HOXD4: variants seen among roughly 807,000 people sequenced by gnomAD.
HOXD4 encodes the protein homeobox protein Hox-D4.
A neutral mutation model predicts 22.6 loss-of-function variants in HOXD4; 15 were observed. That is an observed-to-expected ratio of 0.67 (90% CI 0.45 to 1.02). The LOEUF (loss-of-function observed/expected upper bound fraction) is 1.02, where lower values mean the gene tolerates loss of function less well. Among genes scored for constraint, HOXD4 ranks in the 50% least tolerant of loss-of-function variants. HOXD4 has a pLI of 0.00. For missense variants in HOXD4, 350 were observed against 346.6 expected (o/e 1.01, Z -0.08); for synonymous variants, 176 against 157.0 (o/e 1.12, Z -0.90).
chr2:176,152,192 A>T lies in HOXD4; in HGVS notation c.433+126A>T. 1.5e-6 allele frequency: 1 copy of T among 679,252 alleles called. No individual in the cohort carries two copies. Among genetic ancestry groups the T allele is most frequent in the Non-Finnish European group, 2.5e-6 (1 of 399,242 alleles). The allele number at this position is 679,252 out of a possible 1,614,324, so 42.1% of individuals were successfully genotyped here. A position where few individuals can be genotyped will look rare whatever the true frequency, so the allele number is the denominator to read the frequency against. On this transcript the variant is annotated intron_variant, in intron 1 of 1. Transcript: ENST00000306324. This position sits in a 1 kb window ranked among gnomAD's most constrained non-coding sequence, Gnocchi z 5.2. ...TGGGCGCCGCAATTACTCTCCCCAT[A>T]AATTTTTATAGCTGAGGGAGCAGGT...
At position 176,151,600 on chromosome 2, in the gene HOXD4, G is replaced by T. The variant is rs749281568; in HGVS notation, c.-34G>T. 1.1e-5 allele frequency: 18 copies of T among 1,573,230 alleles called. No individual in the cohort carries two copies. Among genetic ancestry groups the T allele is most frequent in the Non-Finnish European group, 1.5e-5 (17 of 1,144,404 alleles). ...ATGGAAGGAGAAAAAAAGACAACACGAGAAAAATTAGTATTTTCTACCTTC... is the reference window on the plus strand; with the variant it reads ...ATGGAAGGAGAAAAAAAGACAACACTAGAAAAATTAGTATTTTCTACCTTC... On this transcript the variant is annotated 5_prime_UTR_variant, in exon 1 of 2. Coordinates refer to ENST00000306324, the MANE Select transcript of HOXD4 (RefSeq NM_014621.3).
chr2:176,152,846 C>T lies in HOXD4; in HGVS notation c.672C>T (p.Ser224=). Residue 224 remains serine (S), a synonymous_variant, in exon 2 of 2, where the codon TCC becomes TCT. Transcript: ENST00000306324. This position sits in a 1 kb window ranked among gnomAD's most constrained non-coding sequence, Gnocchi z 5.2. The stretch of plus-strand genomic sequence containing the variant: ...CCAACACTAAAGGCAGGTCATCGTC[C>T]TCATCTTCCTCCTCATCTTGCTCCT... ...KLPNTKGRSS[S]SSSSSSCSSS... is the part of the protein sequence containing the mutation. 1.2e-6 allele frequency: 2 copies of T among 1,614,030 alleles called. No individual in the cohort carries two copies. Among genetic ancestry groups the T allele is most frequent in the Non-Finnish European group, 1.7e-6 (2 of 1,180,026 alleles).
Position 176,151,941 on chromosome 2 carries a change from C to T in HOXD4, c.308C>T (p.Pro103Leu), listed in dbSNP as rs1387197816. 6.2e-7 allele frequency: 1 copy of T among 1,608,690 alleles called. No homozygotes were observed. The highest frequency in any genetic ancestry group is 2.2e-5 in the East Asian group (1 of 44,738). Residue 103 changes from proline (P) to leucine (L), a missense_variant, in exon 1 of 2, where the codon CCG (proline) becomes CTG (leucine). By Grantham distance (98) the Pro-to-Leu change is moderately conservative. Transcript: ENST00000306324. ...CCTTGCCCAGCTCCCCCGGCGCCTCCGCCGGCGCCCCTGCCTGGCGCCCGG... is the reference window on the plus strand; with the variant it reads ...CCTTGCCCAGCTCCCCCGGCGCCTCTGCCGGCGCCCCTGCCTGGCGCCCGG... ...GEPCPAPPAP[P>L]PAPLPGARAY... is the part of the protein sequence containing the mutation.
chr2:176,151,834 C>G lies in HOXD4; in HGVS notation c.201C>G (p.Pro67=). ...FGEQPFGGSG[P]GPGSALPARG... ...AGCAGCCTTTCGGAGGCAGCGGCCCCGGGCCTGGCTCGGCGCTGCCTGCGC... is the reference window on the plus strand; with the variant it reads ...AGCAGCCTTTCGGAGGCAGCGGCCCGGGGCCTGGCTCGGCGCTGCCTGCGC... The change falls in exon 1 of 2, where the codon CCC becomes CCG. Residue 67 remains proline, a synonymous_variant. Transcript: ENST00000306324. 3 of 1,601,754 alleles carry G rather than the reference C, an allele frequency of 1.9e-6. No homozygotes were observed. Among genetic ancestry groups the G allele is most frequent in the Non-Finnish European group, 2.6e-6 (3 of 1,174,124 alleles).
rs1690577149 is a variant in HOXD4 at position 176,153,065 on chromosome 2, A to G, written c.*123A>G. ...ACTGTGGGGTGGACCTGGGACAAGC[A>G]GGCCGCCCTCGGACTAGGTTAGCAT... On this transcript the variant is annotated 3_prime_UTR_variant, in exon 2 of 2. Transcript: ENST00000306324. The G allele has an allele frequency of 2.7e-6, 2 of 730,106 alleles. No individual in the cohort carries two copies. Among genetic ancestry groups the G allele is most frequent in the East Asian group, 5.1e-5 (1 of 19,772 alleles). The allele number at this position is 730,106 out of a possible 1,614,324, so 45.2% of individuals were successfully genotyped here.
rs767847815 is a variant in HOXD4, at chr2:176,152,661, C to A, written c.487C>A (p.Arg163=). ...EPKRSRTAYT[R]QQVLELEKEF... ...CAAGCGGTCCCGAACGGCCTACACC[C>A]GGCAGCAAGTCCTAGAACTGGAAAA... The change falls in exon 2 of 2, where the codon CGG becomes AGG. Residue 163 remains arginine, a synonymous_variant. Coordinates refer to ENST00000306324, the MANE Select transcript of HOXD4 (RefSeq NM_014621.3). The surrounding 1 kb of genome is among the most constrained non-coding windows in gnomAD (Gnocchi z 5.2). 5.3e-5 allele frequency: 85 copies of A among 1,614,036 alleles called. No individual in the cohort carries two copies. Among genetic ancestry groups the A allele is most frequent in the Non-Finnish European group, 5.0e-5 (59 of 1,180,040 alleles).
chr2:176,151,783 G>A lies in HOXD4; in HGVS notation c.150G>A (p.Gly50=). Residue 50 remains glycine, a synonymous_variant, in exon 1 of 2, where the codon GGG becomes GGA. Transcript: ENST00000306324. ...AGGGCGCAGACTTCCAGCCCCCGGG[G>A]CTCTACCCACGGCCCGACTTCGGTG... is the stretch of plus-strand genomic sequence containing the variant. ...GAQGADFQPP[G]LYPRPDFGEQ... is the part of the protein sequence containing the mutation. 6.2e-7 allele frequency: 1 copy of A among 1,612,352 alleles called. No individual in the cohort carries two copies. Among genetic ancestry groups the A allele is most frequent in the Non-Finnish European group, 8.5e-7 (1 of 1,179,654 alleles).
rs942223566 is a variant in HOXD4 at position 176,152,300 on chromosome 2, C to T, written c.433+234C>T. ...GTGGGGGAGGACTCCATTTTCAGAG[C>T]AGGGGGAAGGCTGTGGAGGAGCGGG... On this transcript the variant is annotated intron_variant, in intron 1 of 1. Transcript: ENST00000306324. The surrounding 1 kb of genome is among the most constrained non-coding windows in gnomAD (Gnocchi z 5.2). Among the ~76,000 whole-genome samples the T allele has an allele frequency of 9.1e-6, 1 of 110,322 alleles. No homozygotes were observed. Among genetic ancestry groups the T allele is most frequent in the African/African-American group, 3.6e-5 (1 of 27,738 alleles). The allele number at this position is 110,322 out of a possible 152,430, so 72.4% of individuals were successfully genotyped here. A position where few individuals can be genotyped will look rare whatever the true frequency, so the allele number is the denominator to read the frequency against.
Position 176,151,764 on chromosome 2 carries a change from C to G in HOXD4, c.131C>G (p.Ala44Gly). The change falls in exon 1 of 2, where the codon GCA becomes GGA. Residue 44 changes from alanine (A) to glycine (G), a missense_variant. Ala to Gly is a moderately conservative substitution (Grantham distance 60, BLOSUM62 0). Transcript: ENST00000306324. The stretch of plus-strand genomic sequence containing the variant: ...TACTACGGCGGCGGCGCGCAGGGCG[C>G]AGACTTCCAGCCCCCGGGGCTCTAC... Reference protein sequence around the residue: ...ADYYGGGAQGADFQPPGLYPR... With the variant: ...ADYYGGGAQGGDFQPPGLYPR... 1 of 1,612,822 alleles carries G rather than the reference C, an allele frequency of 6.2e-7. No individual in the cohort carries two copies. Among genetic ancestry groups the G allele is most frequent in the Non-Finnish European group, 8.5e-7 (1 of 1,179,846 alleles).
In HOXD4 at chr2:176,151,934, G is replaced by C; in HGVS notation, c.301G>C (p.Ala101Pro). The change falls in exon 1 of 2, where the codon GCG becomes CCG. Residue 101 changes from alanine (A) to proline (P), a missense_variant. By Grantham distance (27) the Ala-to-Pro change is conservative. Transcript: ENST00000306324. ...APGEPCPAPP[A>P]PPPAPLPGAR... ...AGGAGAGCCTTGCCCAGCTCCCCCG[G>C]CGCCTCCGCCGGCGCCCCTGCCTGG... The C allele has an allele frequency of 6.2e-7, 1 of 1,606,726 alleles. No individual in the cohort carries two copies. The highest frequency in any genetic ancestry group is 1.3e-5 in the African/African-American group (1 of 74,854).
Position 176,152,019 on chromosome 2 carries a change from A to G in HOXD4, c.386A>G (p.Gln129Arg). 1 of 1,613,540 alleles carries G rather than the reference A, an allele frequency of 6.2e-7. No homozygotes were observed. Among genetic ancestry groups the G allele is most frequent in the South Asian group, 1.1e-5 (1 of 91,080 alleles). ...KQPPSGTALK[Q>R]PAVVYPWMKK... ...CCGCCCTCCGGGACGGCACTCAAGC[A>G]GCCGGCCGTGGTCTACCCCTGGATG... The change falls in exon 1 of 2, where the codon CAG (glutamine) becomes CGG (arginine). Residue 129 changes from glutamine (Q) to arginine (R), a missense_variant. Coordinates refer to ENST00000306324, the MANE Select transcript of HOXD4 (RefSeq NM_014621.3). The surrounding 1 kb of genome is among the most constrained non-coding windows in gnomAD (Gnocchi z 5.2).
rs1302755224 is a variant in HOXD4, at chr2:176,152,992, G to A, written c.*50G>A. ...TCCCTGCGCACCAGGCTGAGCCGAA[G>A]CTGCGGGGGCAGGCCGGGCCTGCTG... On this transcript the variant is annotated 3_prime_UTR_variant, in exon 2 of 2. Coordinates refer to ENST00000306324, the MANE Select transcript of HOXD4 (RefSeq NM_014621.3). The surrounding 1 kb of genome is among the most constrained non-coding windows in gnomAD (Gnocchi z 5.2). The A allele has an allele frequency of 6.3e-7, 1 of 1,577,520 alleles. No homozygotes were observed. The highest frequency in any genetic ancestry group is 8.7e-7 in the Non-Finnish European group (1 of 1,147,004).
chr2:176,152,659 C>A lies in HOXD4; in HGVS notation c.485C>A (p.Thr162Asn). Reference sequence around the variant, plus strand: ...CCCAAGCGGTCCCGAACGGCCTACACCCGGCAGCAAGTCCTAGAACTGGAA... The same window carrying A: ...CCCAAGCGGTCCCGAACGGCCTACAACCGGCAGCAAGTCCTAGAACTGGAA... ...GEPKRSRTAY[T>N]RQQVLELEKE... Residue 162 changes from threonine (T) to asparagine (N), a missense_variant, in exon 2 of 2, where the codon ACC (threonine) becomes AAC (asparagine). By Grantham distance (65) the Thr-to-Asn change is moderately conservative. Transcript: ENST00000306324. The surrounding 1 kb of genome is among the most constrained non-coding windows in gnomAD (Gnocchi z 5.2). The A allele has an allele frequency of 1.2e-6, 2 of 1,614,186 alleles. No individual in the cohort carries two copies. The highest frequency in any genetic ancestry group is 1.1e-5 in the South Asian group (1 of 91,084).
In HOXD4 at chr2:176,152,478, G is replaced by A. The variant is rs1055573177; in HGVS notation, c.434-130G>A. 8 of 764,044 alleles carry A rather than the reference G, an allele frequency of 1.0e-5. No homozygotes were observed. The highest frequency in any genetic ancestry group is 8.7e-5 in the South Asian group (6 of 69,094). 47.3% of individuals were successfully genotyped at this position (764,044 alleles called of 1,614,324 possible). On this transcript the variant is annotated intron_variant, in intron 1 of 1. Coordinates refer to ENST00000306324, the MANE Select transcript of HOXD4 (RefSeq NM_014621.3). This position sits in a 1 kb window ranked among gnomAD's most constrained non-coding sequence, Gnocchi z 5.2. ...CCGGGGAGAGGGCGGGAGGGAGGAA[G>A]CAAGCGAGCTTGGGAGCGCGCGGGG...
chr2:176,152,033 T>C lies in HOXD4; in HGVS notation c.400T>C (p.Tyr134His), dbSNP rs965151923. The C allele has an allele frequency of 4.3e-6, 7 of 1,613,452 alleles. No homozygotes were observed. Among genetic ancestry groups the C allele is most frequent in the Non-Finnish European group, 5.9e-6 (7 of 1,179,894 alleles). The change falls in exon 1 of 2, where the codon TAC becomes CAC. Residue 134 changes from tyrosine to histidine, a missense_variant. Physicochemically the swap from Tyr to His is moderately conservative, Grantham distance 83. Coordinates refer to ENST00000306324, the MANE Select transcript of HOXD4 (RefSeq NM_014621.3). The surrounding 1 kb of genome is among the most constrained non-coding windows in gnomAD (Gnocchi z 5.2). Reference sequence around the variant, plus strand: ...GGCACTCAAGCAGCCGGCCGTGGTCTACCCCTGGATGAAGAAGGTGCACGT... The same window carrying C: ...GGCACTCAAGCAGCCGGCCGTGGTCCACCCCTGGATGAAGAAGGTGCACGT... The part of the protein sequence containing the change: ...GTALKQPAVV[Y>H]PWMKKVHVNS...
chr2:176,152,645 C>T lies in HOXD4; in HGVS notation c.471C>T (p.Ser157=), dbSNP rs768146969. ...ACACCGGTGGGGAACCCAAGCGGTC[C>T]CGAACGGCCTACACCCGGCAGCAAG... The part of the protein sequence containing the change: ...PNYTGGEPKR[S]RTAYTRQQVL... Residue 157 remains serine (S), a synonymous_variant, in exon 2 of 2, where the codon TCC becomes TCT. Coordinates refer to ENST00000306324, the MANE Select transcript of HOXD4 (RefSeq NM_014621.3). This position sits in a 1 kb window ranked among gnomAD's most constrained non-coding sequence, Gnocchi z 5.2. 1.9e-6 allele frequency: 3 copies of T among 1,614,152 alleles called. No individual in the cohort carries two copies. The South Asian group carries it at 3.3e-5, about 18-fold the overall frequency.
In HOXD4 at chr2:176,153,117, GAGC is replaced by G; in HGVS notation, c.*176_*178del. 3 of 404,340 alleles carry G rather than the reference GAGC, an allele frequency of 7.4e-6. No individual in the cohort carries two copies. The highest frequency in any genetic ancestry group is 5.5e-5 in the East Asian group (1 of 18,280). 25.0% of individuals were successfully genotyped at this position (404,340 alleles called of 1,614,324 possible). A position where few individuals can be genotyped will look rare whatever the true frequency, so the allele number is the denominator to read the frequency against. On this transcript the variant is annotated 3_prime_UTR_variant, in exon 2 of 2. Coordinates refer to ENST00000306324, the MANE Select transcript of HOXD4 (RefSeq NM_014621.3). Reference sequence around the variant, plus strand: ...CTGCCCGAGGGCAGCCCCCTCCCTAGAGCGGGATGGGGATGGGAGGGGGGGCGG... The same window carrying G: ...CTGCCCGAGGGCAGCCCCCTCCCTAGGGGATGGGGATGGGAGGGGGGGCGG...
In HOXD4 at chr2:176,151,735, C is replaced by T. The variant is rs1690526272; in HGVS notation, c.102C>T (p.Ala34=). ...GCGGCTACCTAGGCGAGCAGGGCGC[C>T]GACTACTACGGCGGCGGCGCGCAGG... ...LQGGYLGEQG[A]DYYGGGAQGA... is the part of the protein sequence containing the mutation. The change falls in exon 1 of 2, where the codon GCC becomes GCT. Residue 34 remains alanine (A), a synonymous_variant. Transcript: ENST00000306324. 11 of 1,613,198 alleles carry T rather than the reference C, an allele frequency of 6.8e-6. No individual in the cohort carries two copies. The highest frequency in any genetic ancestry group is 9.3e-6 in the Non-Finnish European group (11 of 1,179,946).
In HOXD4 at chr2:176,151,909, A is replaced by G; in HGVS notation, c.276A>G (p.Pro92=). 6.3e-7 allele frequency: 1 copy of G among 1,596,280 alleles called. No individual in the cohort carries two copies. The highest frequency in any genetic ancestry group is 8.5e-7 in the Non-Finnish European group (1 of 1,171,266). Residue 92 remains proline, a synonymous_variant, in exon 1 of 2, where the codon CCA becomes CCG. Coordinates refer to ENST00000306324, the MANE Select transcript of HOXD4 (RefSeq NM_014621.3). ...PGGPGGHYAA[P]GEPCPAPPAP... ...GCCCCGGCGGTCACTACGCCGCTCC[A>G]GGAGAGCCTTGCCCAGCTCCCCCGG...
Sources: allele counts gnomAD v4.1 joint callset (sites outside exome capture counted in the v4.1 genomes callset), GRCh38; gene constraint gnomAD v4.1.1; non-coding constraint Gnocchi (gnomAD v3.1); transcripts MANE v1.5; gene names NCBI Gene and HGNC (gene_info 2026-07-23, HGNC 2026-07-21).